SULT1A1: variants seen among roughly 807,000 people sequenced by gnomAD.
SULT1A1 encodes sulfotransferase family 1A member 1.
Under a neutral mutation model 36.8 loss-of-function variants are expected in SULT1A1, and 35 were observed. That is an observed-to-expected ratio of 0.95 (90% CI 0.73 to 1.26). The LOEUF is 1.26. Among genes scored for constraint, SULT1A1 ranks in the 50% most tolerant of loss-of-function variants. The probability of loss-of-function intolerance (pLI) is 0.00; values close to 1 mark genes in which losing one functional copy is unlikely to be tolerated. For synonymous variants in SULT1A1, 119 were observed against 146.0 expected (o/e 0.82, Z 1.33); for missense variants, 309 against 383.0 (o/e 0.81, Z 1.61).
rs757065289 is a variant in SULT1A1 at position 28,608,832 on chromosome 16, G to A, written c.24C>T (p.Ser8=). The change falls in exon 2 of 8, where the codon TCC becomes TCT. Residue 8 remains serine, a synonymous_variant. Coordinates refer to ENST00000314752, the MANE Select transcript of SULT1A1 (RefSeq NM_001055.4). ...CCTTCACGTACTCCAGTGGCGGGCGGGAGGTGTCCTGGATCAGCTCCATGT... is the reference window on the plus strand; with the variant it reads ...CCTTCACGTACTCCAGTGGCGGGCGAGAGGTGTCCTGGATCAGCTCCATGT... MELIQDT[S]RPPLEYVKGV... 70 of 1,611,578 alleles carry A rather than the reference G, an allele frequency of 4.3e-5. 2 individuals carry two copies. Among genetic ancestry groups the A allele is most frequent in the African/African-American group, 9.3e-5 (7 of 74,930 alleles).
chr16:28,617,047 G>A (rs151063192), intron 2 of SULT1A1, among the ~76,000 whole-genome samples: 5 of 151,594 alleles, frequency 3.3e-5, no homozygotes, highest in Non-Finnish European at 7.4e-5. Flanking sequence ...ACAGGGTCTC[G>A]CTGTGTTACC....
chr16:28,609,810 G>T (rs1264601231), intron 1 of SULT1A1, 121 bp downstream of exon 1: 2 of 1,077,244 alleles, frequency 1.9e-6, no homozygotes, highest in Non-Finnish European at 2.4e-6. Context: ...GGCCAGGGTT[G>T]TCTGAAATGG....
At position 28,616,055 on chromosome 16, in the gene SULT1A1, A is replaced by G. The variant is rs1233307052; in HGVS notation, c.138+4008T>C. Among the ~76,000 whole-genome samples, 3 of 152,142 alleles carry G rather than the reference A, an allele frequency of 2.0e-5. No individual in the cohort carries two copies. In the East Asian group the frequency reaches 5.8e-4, roughly 29 times the overall value. ...CGCCTGGTAACGGGCATCTTCCCAG[A>G]TGCTGGTGTCACCGCTAGACCAAGG... On this transcript the variant is annotated intron_variant, in intron 2 of 5. Transcript: ENST00000350842.
upstream of SULT1A1, chr16:28,610,252 T>A: frequency 1.7e-6 from 1 of 599,012 alleles, no homozygotes; most frequent in Non-Finnish European, 2.3e-6. Flanking sequence ...TTTTTGTAGG[T>A]TTTTTTTTTC....
Position 28,620,595 on chromosome 16 carries a change from C to G in SULT1A1, c.68-462G>C, listed in dbSNP as rs144640968. 3.1e-3 allele frequency among the ~76,000 whole-genome samples: 463 copies of G among 150,512 alleles called. 4 individuals carry two copies. The highest frequency in any genetic ancestry group is 0.01 in the African/African-American group (426 of 41,040). On this transcript the variant is annotated intron_variant, in intron 1 of 5. Transcript: ENST00000350842. ...AAAAAAAAAAAAAAGAACATAGTCT[C>G]CACTCTAAAACTAGAAAATTTTAAA... is the stretch of plus-strand genomic sequence containing the variant.
chr16:28,619,819 A>G (rs1372863445), intron 2 of SULT1A1, among the ~76,000 whole-genome samples: 1 of 151,746 alleles, frequency 6.6e-6, no homozygotes, highest in Non-Finnish European at 1.5e-5. Flanking sequence ...GTATCAAATC[A>G]TCACATGTAT....
chr16:28,610,267 T>TG (rs2047399972), upstream of SULT1A1: 3 of 874,608 alleles, frequency 3.4e-6, no homozygotes, highest in Admixed American at 4.6e-5. Context: ...TTTTTCTGTT[T>TG]TTTTTTTTTT....
In SULT1A1 at chr16:28,605,722, T is replaced by C; in HGVS notation, c.*99A>G. The C allele has an allele frequency of 6.4e-7, 1 of 1,567,222 alleles. No individual in the cohort carries two copies. Among genetic ancestry groups the C allele is most frequent in the Non-Finnish European group, 8.7e-7 (1 of 1,151,914 alleles). Reference sequence around the variant, plus strand: ...CTCCAAATTGCTGGGATTACAGACATGACCTACCGTCCCGGGCCCTCAATT... The same window carrying C: ...CTCCAAATTGCTGGGATTACAGACACGACCTACCGTCCCGGGCCCTCAATT... On this transcript the variant is annotated 3_prime_UTR_variant, in exon 8 of 8. Coordinates refer to ENST00000314752, the MANE Select transcript of SULT1A1 (RefSeq NM_001055.4).
chr16:28,605,605 GTTTTA>G lies in SULT1A1; in HGVS notation c.*211_*215del, dbSNP rs1012700031. On this transcript the variant is annotated 3_prime_UTR_variant, in exon 8 of 8. Transcript: ENST00000314752. Reference sequence around the variant, plus strand: ...TATTTTATTCTCTTTTTAAAAATTGGTTTTATTTTATTTTATTTTTTTAACAGAAT... The same window carrying G: ...TATTTTATTCTCTTTTTAAAAATTGGTTTTATTTTATTTTTTTAACAGAAT... 6.8e-5 allele frequency: 56 copies of G among 827,678 alleles called. No individual in the cohort carries two copies. Among genetic ancestry groups the G allele is most frequent in the Admixed American group, 3.8e-4 (13 of 34,506 alleles). 51.3% of individuals were successfully genotyped at this position (827,678 alleles called of 1,614,324 possible).
chr16:28,617,005 C>CTT (rs11339073), intron 2 of SULT1A1, among the ~76,000 whole-genome samples: 13 of 151,066 alleles, frequency 8.6e-5, no homozygotes, highest in East Asian at 3.9e-4. Flanking sequence ...AACTCCAGAT[C>CTT]TTTTTTTTTA....
chr16:28,621,506 A>AAAAAAAAAGAAG (rs1555485637), intron 1 of SULT1A1, among the ~76,000 whole-genome samples: 1 of 42,406 alleles, frequency 2.4e-5, no homozygotes, highest in Non-Finnish European at 5.6e-5. Context: ...AAAAAAAAAA[A>AAAAAAAAAGAAG]AAGAAGAAGA....
chr16:28,616,247 C>A (rs1386513243), intron 2 of SULT1A1, among the ~76,000 whole-genome samples: 2 of 152,202 alleles, frequency 1.3e-5, no homozygotes, highest in Admixed American at 6.5e-5. Flanking sequence ...GTAATTGCTA[C>A]AAACTAATGA....
Position 28,608,579 on chromosome 16 carries a change from A to G in SULT1A1, c.173T>C (p.Leu58Pro). The change falls in exon 3 of 8, where the codon CTG becomes CCG. Residue 58 changes from leucine to proline, a missense_variant. Coordinates refer to ENST00000314752, the MANE Select transcript of SULT1A1 (RefSeq NM_001055.4). ...GTCACCACCCTGGTAGATCATGTCC[A>G]GAATCTGGCTTACCCAGGTAGTGCC... is the stretch of plus-strand genomic sequence containing the variant. The part of the protein sequence containing the change: ...KSGTTWVSQI[L>P]DMIYQGGDLE... 6.2e-7 allele frequency: 1 copy of G among 1,612,356 alleles called. No individual in the cohort carries two copies. Among genetic ancestry groups the G allele is most frequent in the Non-Finnish European group, 8.5e-7 (1 of 1,178,572 alleles).
Position 28,605,752 on chromosome 16 carries a change from T to G in SULT1A1, c.*69A>C, listed in dbSNP as rs911539069. 5 of 1,606,152 alleles carry G rather than the reference T, an allele frequency of 3.1e-6. No homozygotes were observed. The highest frequency in any genetic ancestry group is 2.3e-4 in the Middle Eastern group (1 of 4,424). ...TACCGTCCCGGGCCCTCAATTCATA[T>G]TTTATTCTTGAGCCGCTTGGTCAGG... On this transcript the variant is annotated 3_prime_UTR_variant, in exon 8 of 8. Transcript: ENST00000314752.
chr16:28,607,984 ATATT>A (rs1044297346), intron 4 of SULT1A1: 36 of 186,346 alleles, frequency 1.9e-4, no homozygotes, highest in South Asian at 8.6e-4. Flanking sequence ...TTTTATTTAT[ATATT>A]TATTTATTTA....
chr16:28,620,231 T>C (rs1373876380), intron 1 of SULT1A1: 37 of 1,137,392 alleles, frequency 3.3e-5, no homozygotes, highest in Non-Finnish European at 1.3e-6. Flanking sequence ...AAAGTAACCA[T>C]CACTATCATC....
In SULT1A1 at chr16:28,606,070, G is replaced by C. The variant is rs763524441; in HGVS notation, c.761C>G (p.Pro254Arg). The C allele has an allele frequency of 5.0e-6, 8 of 1,611,348 alleles. No individual in the cohort carries two copies. The Admixed American group carries it at 6.7e-5, about 13-fold the overall frequency. ...CCAGCACCCACCTTTCCTCATGAAG[G>C]GGGAGATGCTGTGGTCCATGAACTC... ...PQEFMDHSISPFMRKGMAGDW... is the reference protein window; with the variant it reads ...PQEFMDHSISRFMRKGMAGDW... The change falls in exon 7 of 8, where the codon CCC (proline) becomes CGC (arginine). Residue 254 changes from proline (P) to arginine (R), a missense_variant. By Grantham distance (103) the Pro-to-Arg change is moderately radical. Coordinates refer to ENST00000314752, the MANE Select transcript of SULT1A1 (RefSeq NM_001055.4).
chr16:28,607,230 C>A, intron 4 of SULT1A1, 153 bp from the exon 5 acceptor site: 2 of 1,379,114 alleles, frequency 1.5e-6, no homozygotes, highest in South Asian at 2.8e-5. Flanking sequence ...AGGAGCTGAA[C>A]CCTGCTCAGA....
At chr16:28,610,316 T>C (rs2047404420), upstream of SULT1A1, 3 of 900,674 alleles carry the variant, frequency 3.3e-6, no homozygotes, top group Non-Finnish European at 1.4e-6. Flanking sequence ...GCTCCTGACC[T>C]GCCCCTGAAC....
Sources: allele counts gnomAD v4.1 joint callset (sites outside exome capture counted in the v4.1 genomes callset), GRCh38; gene constraint gnomAD v4.1.1; transcripts MANE v1.5; gene names NCBI Gene and HGNC (gene_info 2026-07-23, HGNC 2026-07-21).